Variants in PCDH15 observed in about 807,000 individuals in gnomAD.
PCDH15 encodes protocadherin related 15, also known as protocadherin-15.
PCDH15 carries 129 observed loss-of-function variants against 178.5 expected under a neutral mutation model. That is an observed-to-expected ratio of 0.72 (90% CI 0.63 to 0.84). The LOEUF is 0.84. Among genes scored for constraint, PCDH15 ranks in the 40% least tolerant of loss-of-function variants. The pLI, the probability that PCDH15 is intolerant of heterozygous loss-of-function variation, is 0.00. For missense variants in PCDH15, 2,230 were observed against 2,099.9 expected (o/e 1.06, Z -1.21); for synonymous variants, 800 against 732.0 (o/e 1.09, Z -1.50).
At chr10:55,440,270 A>C (rs1391095442) in intron 2 of PCDH15, among the ~76,000 whole-genome samples, 3 of 152,184 alleles carry the variant, frequency 2.0e-5, no homozygotes, top group African/African-American at 7.2e-5. Flanking sequence ...TCATAATGTC[A>C]AACAATTAAA....
In PCDH15 at chr10:54,185,212, G is replaced by A. The variant is rs61735479; in HGVS notation, c.1362C>T (p.Val454=). ...GGTAGCGAGTAATACCAGTCTGTGT[G>A]ACGGTGAAGACTGAGGTGTAGTCAT... ...FLNDYTSVFT[V]TQTGITRYLT... Residue 454 remains valine (V), a synonymous_variant, in exon 12 of 38, where the codon GTC becomes GTT. Coordinates refer to ENST00000644397, the MANE Select transcript of PCDH15 (RefSeq NM_001384140.1). 944 of 1,613,658 alleles carry A rather than the reference G, an allele frequency of 5.9e-4. 4 individuals are homozygous for A. In the African/African-American group the frequency reaches 8.5e-3, roughly 15 times the overall value.
intron 25 of PCDH15, among the ~76,000 whole-genome samples, chr10:53,929,801 G>A (rs1240457633): frequency 1.3e-5 from 2 of 152,078 alleles, no homozygotes; most frequent in Non-Finnish European, 2.9e-5. Context: ...TCTAGTTATT[G>A]AATCAAAACA....
chr10:55,568,563 TA>T (rs888382208), intron 2 of PCDH15, among the ~76,000 whole-genome samples: 1 of 151,640 alleles, frequency 6.6e-6, no homozygotes, highest in Non-Finnish European at 1.5e-5. Flanking sequence ...AATAAATAAA[TA>T]AAAAAACAAA....
intron 2 of PCDH15, among the ~76,000 whole-genome samples, chr10:55,085,165 T>G (rs1276885090): frequency 6.6e-6 from 1 of 151,958 alleles, no homozygotes; most frequent in Admixed American, 6.6e-5. Flanking sequence ...GCCAAGATTT[T>G]GAAGCAACCT....
intron 1 of PCDH15, among the ~76,000 whole-genome samples, chr10:55,250,153 T>C (rs1048849370): frequency 1.3e-5 from 2 of 152,244 alleles, no homozygotes; most frequent in Admixed American, 1.3e-4. Flanking sequence ...TATTTATTTA[T>C]TGAGACAGAG....
intron 5 of PCDH15, among the ~76,000 whole-genome samples, chr10:54,367,366 A>T (rs1565096353): frequency 2.0e-5 from 3 of 151,972 alleles, no homozygotes; most frequent in Non-Finnish European, 2.9e-5. Flanking sequence ...ATATTTGAGA[A>T]GTTACTGTTT....
intron 3 of PCDH15, among the ~76,000 whole-genome samples, chr10:54,404,417 G>C (rs1952350584): frequency 6.6e-6 from 1 of 152,010 alleles, no homozygotes; most frequent in Non-Finnish European, 1.5e-5. Flanking sequence ...ACAATCAATG[G>C]GGAAAGGACT....
chr10:55,525,889 T>C (rs987371168), intron 2 of PCDH15, among the ~76,000 whole-genome samples: 14 of 151,900 alleles, frequency 9.2e-5, no homozygotes, highest in Admixed American at 8.6e-4. Context: ...AGAAGCAAAC[T>C]GAAACTGACA....
At chr10:55,061,679 C>T (rs1288606872) in intron 2 of PCDH15, among the ~76,000 whole-genome samples, 1 of 152,170 alleles carries the variant, frequency 6.6e-6, no homozygotes. Flanking sequence ...AATGGATAAA[C>T]TGTGCTACAT....
chr10:55,091,064 T>A (rs1842306228), intron 2 of PCDH15, among the ~76,000 whole-genome samples: 1 of 151,948 alleles, frequency 6.6e-6, no homozygotes, highest in Non-Finnish European at 1.5e-5. Flanking sequence ...AATTTTCAAA[T>A]GCAAAAGACA....
At chr10:54,353,089 A>G (rs1048046147) in intron 5 of PCDH15, among the ~76,000 whole-genome samples, 1 of 152,148 alleles carries the variant, frequency 6.6e-6, no homozygotes, top group East Asian at 1.9e-4. Flanking sequence ...TGAAATTACA[A>G]TGTCTCTGAA....
chr10:53,975,144 T>C (rs1010124185), intron 21 of PCDH15, among the ~76,000 whole-genome samples: 3 of 152,210 alleles, frequency 2.0e-5, no homozygotes, highest in Non-Finnish European at 2.9e-5. Context: ...TAGTATTCCA[T>C]GGTGCATATG....
At chr10:54,741,842 C>G (rs899955167) in intron 1 of PCDH15, among the ~76,000 whole-genome samples, 18 of 151,944 alleles carry the variant, frequency 1.2e-4, no homozygotes, top group African/African-American at 3.6e-4. Context: ...ATATTGGACC[C>G]ACCTCAACAA....
intron 3 of PCDH15, among the ~76,000 whole-genome samples, chr10:54,461,426 C>T (rs372899743): frequency 6.6e-6 from 1 of 152,222 alleles, no homozygotes; most frequent in South Asian, 2.1e-4. Flanking sequence ...CTGTTTATCA[C>T]ATCCATGTCC....
In PCDH15 at chr10:55,546,109, C is replaced by A. The variant is rs150267782; in HGVS notation, c.-156+81516G>T. 8.2e-4 allele frequency among the ~76,000 whole-genome samples: 125 copies of A among 152,116 alleles called. 1 individual carries two copies. Among genetic ancestry groups the A allele is most frequent in the African/African-American group, 2.9e-3 (120 of 41,504 alleles). On this transcript the variant is annotated intron_variant, in intron 2 of 5. Transcript: ENST00000613346. Reference sequence around the variant, plus strand: ...AGATGCGACATGTTACTTACCTCAGCAAGCAAAGTGATAAACCCACAACAT... The same window carrying A: ...AGATGCGACATGTTACTTACCTCAGAAAGCAAAGTGATAAACCCACAACAT...
chr10:54,900,102 T>C (rs1954615914), intron 2 of PCDH15, among the ~76,000 whole-genome samples: 3 of 152,190 alleles, frequency 2.0e-5, no homozygotes. Flanking sequence ...TTTTACTTAC[T>C]TATTTAAGGC....
At chr10:53,812,346 T>TA (rs904989008) in intron 35 of PCDH15, among the ~76,000 whole-genome samples, 1 of 151,840 alleles carries the variant, frequency 6.6e-6, no homozygotes, top group African/African-American at 2.4e-5. Context: ...TAGCTGGGGC[T>TA]ACAGGCGCCC....
chr10:54,896,993 A>C (rs1172983736), intron 3 of PCDH15, among the ~76,000 whole-genome samples: 1 of 152,168 alleles, frequency 6.6e-6, no homozygotes, highest in African/African-American at 2.4e-5. Context: ...CTATAACCCA[A>C]ATTCAGATTT....
rs980771273 is a variant in PCDH15 at position 54,020,047 on chromosome 10, T to C, written c.2751+145A>G. The C allele has an allele frequency of 1.9e-5, 13 of 697,556 alleles. No individual in the cohort carries two copies. The African/African-American group carries it at 2.0e-4, about 11-fold the overall frequency. 43.2% of individuals were successfully genotyped at this position (697,556 alleles called of 1,614,324 possible). A position where few individuals can be genotyped will look rare whatever the true frequency, so the allele number is the denominator to read the frequency against. ...TATTTCTTATGTATTCATAAATATT[T>C]CCATTGGAAAATCTATGTTATGGGT... On this transcript the variant is annotated intron_variant, in intron 20 of 37. Coordinates refer to ENST00000644397, the MANE Select transcript of PCDH15 (RefSeq NM_001384140.1).
Sources: allele counts gnomAD v4.1 joint callset (sites outside exome capture counted in the v4.1 genomes callset), GRCh38; gene constraint gnomAD v4.1.1; transcripts MANE v1.5; gene names NCBI Gene and HGNC (gene_info 2026-07-23, HGNC 2026-07-21).